The following PCDH17 variants were observed in gnomAD, a reference collection of about 807,000 sequenced individuals.
PCDH17 encodes protocadherin 17, also known as protocadherin-17.
A neutral mutation model predicts 67.7 loss-of-function variants in PCDH17; 21 were observed. The ratio of observed to expected loss-of-function variants is 0.31; its 90% confidence interval spans 0.22 to 0.45. The LOEUF (loss-of-function observed/expected upper bound fraction) is 0.45. PCDH17 is among the 20% of genes least tolerant of loss of function. The pLI is 1.00. For synonymous variants in PCDH17, 701 were observed against 656.7 expected (o/e 1.07, Z -1.03); for missense variants, 1,471 against 1,564.8 (o/e 0.94, Z 1.01).
chr13:57,634,508 C>T lies in PCDH17; in HGVS notation c.1962C>T (p.Asp654=), dbSNP rs1475592319. 2.5e-6 allele frequency: 4 copies of T among 1,612,914 alleles called. No individual in the cohort carries two copies. The highest frequency in any genetic ancestry group is 4.5e-5 in the East Asian group (2 of 44,808). Residue 654 remains aspartate, a synonymous_variant, in exon 1 of 4, where the codon GAC becomes GAT. Coordinates refer to ENST00000377918, the MANE Select transcript of PCDH17 (RefSeq NM_001040429.3). The surrounding 1 kb of genome is among the most constrained non-coding windows in gnomAD (Gnocchi z 7.8). ...EIRTLHPFWE[D]VTPVVELVVK... ...GCACGCTGCACCCTTTCTGGGAGGA[C>T]GTGACGCCCGTGGTGGAGCTGGTGG...
intron 3 of PCDH17, among the ~76,000 whole-genome samples, chr13:57,676,341 CT>C (rs1453481544): frequency 3.3e-5 from 5 of 151,838 alleles, no homozygotes; most frequent in Non-Finnish European, 7.4e-5. Context: ...CAGTAGCTGC[CT>C]AAACAGTAGT....
At chr13:57,689,915 T>C (rs1955542749) in intron 3 of PCDH17, among the ~76,000 whole-genome samples, 1 of 151,884 alleles carries the variant, frequency 6.6e-6, no homozygotes, top group Non-Finnish European at 1.5e-5. Flanking sequence ...GATAATATAC[T>C]GTTAAAGATA....
intron 3 of PCDH17, among the ~76,000 whole-genome samples, chr13:57,672,146 T>C (rs1369262867): frequency 6.6e-6 from 1 of 152,054 alleles, no homozygotes; most frequent in Non-Finnish European, 1.5e-5. Context: ...ATATCAAATA[T>C]CTTTGGTTTG....
At chr13:57,672,833 CAA>C (rs1955339136) in intron 3 of PCDH17, among the ~76,000 whole-genome samples, 1 of 151,878 alleles carries the variant, frequency 6.6e-6, no homozygotes. Flanking sequence ...TTTCCCAAAC[CAA>C]AGAGAGGGTC....
intron 1 of PCDH17, among the ~76,000 whole-genome samples, chr13:57,647,290 T>C (rs1954976448): frequency 1.3e-5 from 2 of 151,822 alleles, no homozygotes; most frequent in South Asian, 4.1e-4. Flanking sequence ...AATACATGAT[T>C]GTGAGTGAAA....
intron 1 of PCDH17, among the ~76,000 whole-genome samples, chr13:57,663,645 T>TAC (rs1001291644): frequency 6.6e-6 from 1 of 152,178 alleles, no homozygotes; most frequent in Admixed American, 6.5e-5. Context: ...ATGGTAATTA[T>TAC]ACACACACAC....
intron 3 of PCDH17, among the ~76,000 whole-genome samples, chr13:57,672,231 G>A (rs555415644): frequency 6.6e-6 from 1 of 151,960 alleles, no homozygotes; most frequent in African/African-American, 2.4e-5. Context: ...GAACATTCTA[G>A]AAAATCACAG....
intron 3 of PCDH17, among the ~76,000 whole-genome samples, chr13:57,680,241 C>T (rs560378185): frequency 4.6e-5 from 7 of 151,378 alleles, no homozygotes; most frequent in South Asian, 4.2e-4. Context: ...GCTTGTAATA[C>T]GATCTTGAAA....
chr13:57,717,197 A>G (rs1320145114), intron 3 of PCDH17, among the ~76,000 whole-genome samples: 1 of 151,918 alleles, frequency 6.6e-6, no homozygotes, highest in Non-Finnish European at 1.5e-5. Context: ...TGCCTACAGA[A>G]GGGAATTCAG....
intron 3 of PCDH17, among the ~76,000 whole-genome samples, chr13:57,685,220 AG>A (rs1228809656): frequency 3.3e-5 from 5 of 152,002 alleles, no homozygotes; most frequent in African/African-American, 1.2e-4. Flanking sequence ...TTGGTCTCTT[AG>A]TACTATAAGT....
intron 3 of PCDH17, among the ~76,000 whole-genome samples, chr13:57,690,156 A>G (rs1189730554): frequency 6.6e-6 from 1 of 151,762 alleles, no homozygotes; most frequent in Non-Finnish European, 1.5e-5. Flanking sequence ...TTTATATTTC[A>G]TATTAGGTTT....
intron 3 of PCDH17, among the ~76,000 whole-genome samples, chr13:57,681,626 A>G (rs1478391323): frequency 2.6e-5 from 4 of 151,830 alleles, no homozygotes; most frequent in Non-Finnish European, 5.9e-5. Flanking sequence ...GTGTTAACAC[A>G]TTAACACCAT....
chr13:57,685,761 A>T (rs908625382), intron 3 of PCDH17, among the ~76,000 whole-genome samples: 1 of 151,912 alleles, frequency 6.6e-6, no homozygotes, highest in Non-Finnish European at 1.5e-5. Flanking sequence ...CAAAAAGGAC[A>T]TACGGTAATA....
chr13:57,635,536 A>T (rs571522226), intron 1 of PCDH17, among the ~76,000 whole-genome samples: 200 of 152,346 alleles, frequency 1.3e-3, no homozygotes, highest in Non-Finnish European at 2.6e-3. Flanking sequence ...AAAGGAACTT[A>T]TACCCAACTA....
intron 3 of PCDH17, among the ~76,000 whole-genome samples, chr13:57,677,791 G>A (rs982964168): frequency 1.3e-5 from 2 of 151,780 alleles, no homozygotes; most frequent in Admixed American, 1.3e-4. Context: ...AGGATATATC[G>A]TGGCACAGAA....
intron 1 of PCDH17, among the ~76,000 whole-genome samples, chr13:57,659,317 A>AT (rs1192937243): frequency 6.6e-6 from 1 of 151,880 alleles, no homozygotes; most frequent in East Asian, 1.9e-4. Flanking sequence ...TAGTGTTCTG[A>AT]TTTTTTTCTT....
chr13:57,630,218 C>A (rs1473396436), upstream of PCDH17, among the ~76,000 whole-genome samples: 1 of 152,172 alleles, frequency 6.6e-6, no homozygotes, highest in African/African-American at 2.4e-5. Context: ...GAATTTTCAC[C>A]TTTCCTTTCA....
At chr13:57,642,043 T>C (rs1314606031) in intron 1 of PCDH17, among the ~76,000 whole-genome samples, 1 of 151,700 alleles carries the variant, frequency 6.6e-6, no homozygotes, top group Non-Finnish European at 1.5e-5. Context: ...CGATCTGTAT[T>C]ATCTTATTTT....
rs1375675346 is a variant in PCDH17, at chr13:57,726,029, A to C, written c.*735A>C. 6.6e-6 allele frequency: 1 copy of C among 152,562 alleles called. No individual in the cohort carries two copies. Among genetic ancestry groups the C allele is most frequent in the African/African-American group, 2.4e-5 (1 of 41,478 alleles). 9.5% of individuals were successfully genotyped at this position (152,562 alleles called of 1,614,324 possible). ...GTAGACTAATTCACGTCATTAAAGAAGAAGAAAACTTAAAGATTTAAAATG... is the reference window on the plus strand; with the variant it reads ...GTAGACTAATTCACGTCATTAAAGACGAAGAAAACTTAAAGATTTAAAATG... On this transcript the variant is annotated 3_prime_UTR_variant, in exon 4 of 4. Transcript: ENST00000377918.
Sources: gnomAD v4.1 joint callset for allele counts (sites outside exome capture counted in the v4.1 genomes callset) on GRCh38, gnomAD v4.1.1 for gene constraint, Gnocchi (gnomAD v3.1) non-coding constraint, MANE v1.5 for transcripts, NCBI Gene and HGNC (gene_info 2026-07-23, HGNC 2026-07-21) for gene names.